CCSER1: variants seen among roughly 807,000 people sequenced by gnomAD.
CCSER1 encodes the protein coiled-coil serine rich protein 1, also known as serine-rich coiled-coil domain-containing protein 1.
Under a neutral mutation model 82.0 loss-of-function variants are expected in CCSER1, and 41 were observed. That is an observed-to-expected ratio of 0.50 (90% CI 0.39 to 0.65). The LOEUF (loss-of-function observed/expected upper bound fraction) is 0.65, where lower values mean the gene tolerates loss of function less well. CCSER1 is among the 30% of genes least tolerant of loss of function. The probability of loss-of-function intolerance (pLI) is 0.00; values close to 1 mark genes in which losing one functional copy is unlikely to be tolerated. For missense variants in CCSER1, 1,119 were observed against 1,064.2 expected, an observed-to-expected ratio of 1.05 and a Z score of -0.72; for synonymous variants, 414 against 383.9, an observed-to-expected ratio of 1.08 and a Z score of -0.92.
At chr4:90,693,217 G>A (rs1736355427) in intron 6 of CCSER1, among the ~76,000 whole-genome samples, 1 of 151,898 alleles carries the variant, frequency 6.6e-6, no homozygotes, top group South Asian at 2.1e-4. Flanking sequence ...TTACGTATAT[G>A]TACTTAATCT....
At chr4:90,555,468 A>G (rs1778020018) in intron 5 of CCSER1, among the ~76,000 whole-genome samples, 1 of 152,134 alleles carries the variant, frequency 6.6e-6, no homozygotes, top group African/African-American at 2.4e-5. Flanking sequence ...AAAGTTCATT[A>G]TTTTGACCAG....
intron 3 of CCSER1, among the ~76,000 whole-genome samples, chr4:90,386,124 C>T (rs1750006248): frequency 6.6e-6 from 1 of 152,090 alleles, no homozygotes; most frequent in Non-Finnish European, 1.5e-5. Flanking sequence ...ATCAAAATAC[C>T]ACCATCATTT....
intron 1 of CCSER1, among the ~76,000 whole-genome samples, chr4:90,278,191 G>A (rs184266041): frequency 3.9e-5 from 6 of 152,218 alleles, no homozygotes; most frequent in African/African-American, 7.2e-5. Flanking sequence ...AGATGTTGAT[G>A]AAGATGCAGA....
chr4:90,217,849 G>A (rs1741382370), intron 1 of CCSER1, among the ~76,000 whole-genome samples: 1 of 152,060 alleles, frequency 6.6e-6, no homozygotes, highest in Non-Finnish European at 1.5e-5. Context: ...AGGCTGGAGT[G>A]CAGTGGTATG....
Position 91,496,660 on chromosome 4 carries a change from ATATATATATTCAATATAT to A in CCSER1, c.2218-101910_2218-101893del, listed in dbSNP as rs1262217001. On this transcript the variant is annotated intron_variant, in intron 10 of 10. Transcript: ENST00000509176. ...TATATATATTCAATATATATTGAAT[ATATATATATTCAATATAT>A]TTGAATATATATATATTCAATATAT... 3.0e-4 allele frequency among the ~76,000 whole-genome samples: 8 copies of A among 26,852 alleles called. 2 individuals carry two copies. The highest frequency in any genetic ancestry group is 6.9e-4 in the Non-Finnish European group (7 of 10,188). 17.6% of individuals were successfully genotyped at this position (26,852 alleles called of 152,430 possible). A position where few individuals can be genotyped will look rare whatever the true frequency, so the allele number is the denominator to read the frequency against.
intron 10 of CCSER1, among the ~76,000 whole-genome samples, chr4:91,556,322 C>G (rs1762400451): frequency 6.6e-6 from 1 of 150,512 alleles, no homozygotes. Context: ...CTATTCAAAA[C>G]TGATGGCTCT....
chr4:90,780,682 TCTG>T, intron 7 of CCSER1: 3 of 1,326,424 alleles, frequency 2.3e-6, no homozygotes, highest in Non-Finnish European at 2.9e-6. Flanking sequence ...CTAAGGAGGC[TCTG>T]TAAGCAAGAC....
intron 9 of CCSER1, among the ~76,000 whole-genome samples, chr4:91,068,645 A>G (rs1721093842): frequency 6.6e-6 from 1 of 152,208 alleles, no homozygotes; most frequent in South Asian, 2.1e-4. Flanking sequence ...TTTACAAGAT[A>G]ATAATTATTA....
At chr4:91,217,150 C>T (rs1737310655) in intron 10 of CCSER1, among the ~76,000 whole-genome samples, 1 of 152,086 alleles carries the variant, frequency 6.6e-6, no homozygotes, top group Non-Finnish European at 1.5e-5. Context: ...AGTGTTACAG[C>T]TCTTAAAAGC....
chr4:90,387,756 G>A (rs981475002), intron 3 of CCSER1, among the ~76,000 whole-genome samples: 3 of 152,072 alleles, frequency 2.0e-5, no homozygotes, highest in African/African-American at 7.3e-5. Context: ...ATTCCAGGAG[G>A]GTAATAGGTC....
At chr4:91,126,687 G>T (rs1181647465) in intron 10 of CCSER1, among the ~76,000 whole-genome samples, 1 of 151,902 alleles carries the variant, frequency 6.6e-6, no homozygotes, top group Non-Finnish European at 1.5e-5. Context: ...TAGAGTAGAT[G>T]AGAATAGACA....
intron 10 of CCSER1, among the ~76,000 whole-genome samples, chr4:91,491,209 A>G (rs1195810940): frequency 1.3e-5 from 2 of 151,664 alleles, no homozygotes; most frequent in African/African-American, 2.4e-5. Flanking sequence ...AATTTTCTCA[A>G]CCAAAAAGTT....
At chr4:91,187,800 G>C (rs540955766) in intron 10 of CCSER1, among the ~76,000 whole-genome samples, 5 of 152,162 alleles carry the variant, frequency 3.3e-5, no homozygotes, top group Non-Finnish European at 5.9e-5. Context: ...TGATGCACCC[G>C]CCTTGGCCTC....
At chr4:90,405,964 G>A (rs1337117894) in intron 4 of CCSER1, among the ~76,000 whole-genome samples, 1 of 150,998 alleles carries the variant, frequency 6.6e-6, no homozygotes, top group East Asian at 1.9e-4. Context: ...AAAAAAAAAA[G>A]TATGCAGGCA....
At chr4:91,463,458 C>G (rs1276255832) in intron 10 of CCSER1, among the ~76,000 whole-genome samples, 1 of 152,192 alleles carries the variant, frequency 6.6e-6, no homozygotes, top group Non-Finnish European at 1.5e-5. Flanking sequence ...ACCTCTCCTC[C>G]TCCAAAGGAA....
intron 10 of CCSER1, among the ~76,000 whole-genome samples, chr4:91,099,627 A>G (rs1226613970): frequency 7.2e-5 from 11 of 152,038 alleles, no homozygotes; most frequent in African/African-American, 9.7e-5. Flanking sequence ...TAAGAAATAC[A>G]TTGGTTTGGT....
At chr4:91,221,649 A>C (rs1354250703) in intron 10 of CCSER1, among the ~76,000 whole-genome samples, 3 of 152,216 alleles carry the variant, frequency 2.0e-5, no homozygotes, top group Non-Finnish European at 4.4e-5. Flanking sequence ...ACTGATCTTT[A>C]AAGTAATTAC....
intron 7 of CCSER1, among the ~76,000 whole-genome samples, chr4:90,803,852 T>G (rs1229919614): frequency 6.6e-6 from 1 of 152,162 alleles, no homozygotes; most frequent in Non-Finnish European, 1.5e-5. Context: ...TTCCTATTTC[T>G]CCACATCTTC....
intron 4 of CCSER1, among the ~76,000 whole-genome samples, chr4:90,455,240 G>A (rs1428869758): frequency 6.6e-6 from 1 of 152,202 alleles, no homozygotes; most frequent in African/African-American, 2.4e-5. Flanking sequence ...TCATTTCTGA[G>A]GCCATGCTTC....
Sources: gnomAD v4.1 joint callset for allele counts (sites outside exome capture counted in the v4.1 genomes callset) on GRCh38, gnomAD v4.1.1 for gene constraint, MANE v1.5 for transcripts, NCBI Gene and HGNC (gene_info 2026-07-23, HGNC 2026-07-21) for gene names.